The following MIPEP variants were observed in gnomAD, a reference collection of about 807,000 sequenced individuals.
MIPEP encodes mitochondrial intermediate peptidase.
MIPEP carries 79 observed loss-of-function variants against 90.3 expected under a neutral mutation model. The observed-to-expected ratio is 0.87, with a 90% CI of 0.73 to 1.05. The LOEUF (loss-of-function observed/expected upper bound fraction) is 1.05, where lower values mean the gene tolerates loss of function less well. Ranked by LOEUF, MIPEP falls within the 50% of genes least tolerant of loss-of-function variation. MIPEP has a pLI of 0.00. For missense variants in MIPEP, 940 were observed against 905.6 expected (o/e 1.04, Z -0.49); for synonymous variants, 334 against 315.8 (o/e 1.06, Z -0.61).
At chr13:23,734,779 TC>T (rs1952242587) in intron 18 of MIPEP, among the ~76,000 whole-genome samples, 1 of 151,848 alleles carries the variant, frequency 6.6e-6, no homozygotes, top group Non-Finnish European at 1.5e-5. Context: ...CGCCCAAACC[TC>T]TAACAGCAGT....
rs564435318 is a variant in MIPEP at position 23,772,714 on chromosome 13, C to T, written c.1849-12497G>A. On this transcript the variant is annotated intron_variant, in intron 16 of 18. Coordinates refer to ENST00000382172, the MANE Select transcript of MIPEP (RefSeq NM_005932.4). ...TTCCTTCTAGATCTATAGGTTACAACGTTAAACCTAATCCCTCAGAACACT... is the reference window on the plus strand; with the variant it reads ...TTCCTTCTAGATCTATAGGTTACAATGTTAAACCTAATCCCTCAGAACACT... Among the ~76,000 whole-genome samples the T allele has an allele frequency of 4.8e-4, 73 of 152,262 alleles. 1 individual carries two copies. The highest frequency in any genetic ancestry group is 2.1e-3 in the East Asian group (11 of 5,174).
intron 13 of MIPEP, 106 bp downstream of exon 13, chr13:23,837,446 A>T (rs1593182471): frequency 8.1e-6 from 7 of 862,258 alleles, no homozygotes; most frequent in Non-Finnish European, 1.3e-5. Flanking sequence ...ACCACAGGAC[A>T]CGGTAAAATG....
chr13:23,760,573 G>C (rs746234389), intron 16 of MIPEP: 36 of 542,006 alleles, frequency 6.6e-5, no homozygotes. Context: ...GCCAGGGTGT[G>C]GGCACAGAGG....
At chr13:23,789,390 T>G (rs1952878823) in intron 16 of MIPEP, among the ~76,000 whole-genome samples, 1 of 152,194 alleles carries the variant, frequency 6.6e-6, no homozygotes, top group Admixed American at 6.5e-5. Context: ...GTTTTTCCAT[T>G]TAAATGTTTA....
intron 18 of MIPEP, among the ~76,000 whole-genome samples, chr13:23,737,608 T>C (rs1952279953): frequency 6.6e-6 from 1 of 152,238 alleles, no homozygotes; most frequent in Non-Finnish European, 1.5e-5. Flanking sequence ...TTGTAATACA[T>C]AATGAACATA....
chr13:23,789,933 C>T (rs1952883399), intron 16 of MIPEP, among the ~76,000 whole-genome samples: 1 of 152,190 alleles, frequency 6.6e-6, no homozygotes, highest in Non-Finnish European at 1.5e-5. Flanking sequence ...TTTTTCCTCC[C>T]TTTTCTTCTG....
Position 23,862,365 on chromosome 13 carries a change from A to G in MIPEP, c.993-3T>C, listed in dbSNP as rs775915819. 81 of 1,561,820 alleles carry G rather than the reference A, an allele frequency of 5.2e-5. No homozygotes were observed. The highest frequency in any genetic ancestry group is 2.7e-4 in the South Asian group (23 of 85,996). ...TCATCTCAAAATCTTTCAGAGTTCT[A>G]TAAAACAGGTTTATCATTACTTGTT... On this transcript the variant is annotated splice_polypyrimidine_tract_variant and splice_region_variant and intron_variant, in intron 8 of 18. Transcript: ENST00000382172.
At chr13:23,805,552 A>G (rs975276645) in intron 16 of MIPEP, among the ~76,000 whole-genome samples, 2 of 152,200 alleles carry the variant, frequency 1.3e-5, no homozygotes, top group Non-Finnish European at 2.9e-5. Flanking sequence ...TAAAGCATCT[A>G]TTATAATTCC....
chr13:23,789,212 A>T (rs537133489), intron 16 of MIPEP, among the ~76,000 whole-genome samples: 10 of 152,298 alleles, frequency 6.6e-5, no homozygotes, highest in Non-Finnish European at 7.4e-5. Flanking sequence ...GTTATAATTT[A>T]AAAAAACCAG....
At chr13:23,745,204 A>G (rs910361943) in intron 18 of MIPEP, among the ~76,000 whole-genome samples, 13 of 152,166 alleles carry the variant, frequency 8.5e-5, no homozygotes, top group Admixed American at 8.5e-4. Flanking sequence ...TCAATAAGAG[A>G]AACTTTAATG....
At chr13:23,875,351 G>C (rs1367337581) in intron 4 of MIPEP, among the ~76,000 whole-genome samples, 2 of 151,814 alleles carry the variant, frequency 1.3e-5, no homozygotes, top group African/African-American at 4.8e-5. Flanking sequence ...TTTTATATTT[G>C]GACAATTTTT....
intron 16 of MIPEP, among the ~76,000 whole-genome samples, chr13:23,762,192 T>C (rs1181306254): frequency 2.0e-5 from 3 of 151,896 alleles, no homozygotes; most frequent in East Asian, 3.8e-4. Flanking sequence ...TTTTTAACCA[T>C]GATAACAACA....
At chr13:23,779,213 G>A (rs1424429724) in intron 16 of MIPEP, among the ~76,000 whole-genome samples, 1 of 152,138 alleles carries the variant, frequency 6.6e-6, no homozygotes, top group Non-Finnish European at 1.5e-5. Flanking sequence ...AAACAGAAAC[G>A]TACAGCTATT....
At chr13:23,771,568 C>CAT (rs1593144556) in intron 16 of MIPEP, among the ~76,000 whole-genome samples, 1 of 150,034 alleles carries the variant, frequency 6.7e-6, no homozygotes, top group Admixed American at 6.6e-5. Flanking sequence ...CACACACACA[C>CAT]ATCTGCATTT....
chr13:23,854,402 A>G (rs1176675926), intron 10 of MIPEP, among the ~76,000 whole-genome samples: 2 of 152,098 alleles, frequency 1.3e-5, no homozygotes, highest in African/African-American at 4.8e-5. Flanking sequence ...CAAGATCACT[A>G]ATCCTATACT....
chr13:23,737,344 T>G (rs1952277287), intron 18 of MIPEP, among the ~76,000 whole-genome samples: 1 of 152,118 alleles, frequency 6.6e-6, no homozygotes, highest in African/African-American at 2.4e-5. Context: ...GTGCTCACAA[T>G]GCTTGGTTGC....
chr13:23,837,894 T>G, intron 12 of MIPEP, 138 bp from the exon 13 acceptor site: 1 of 625,066 alleles, frequency 1.6e-6, no homozygotes, highest in East Asian at 2.8e-5. Flanking sequence ...TTCTATCTAT[T>G]TACATATATA....
At chr13:23,860,298 T>C (rs1759372926) in intron 9 of MIPEP, among the ~76,000 whole-genome samples, 1 of 152,244 alleles carries the variant, frequency 6.6e-6, no homozygotes, top group African/African-American at 2.4e-5. Context: ...AGAAAGGCAT[T>C]CCTGTAGGTG....
rs576737590 is a variant in MIPEP, at chr13:23,782,534, C to G, written c.1849-22317G>C. Among the ~76,000 whole-genome samples, 110 of 152,190 alleles carry G rather than the reference C, an allele frequency of 7.2e-4. 1 individual carries two copies. Among genetic ancestry groups the G allele is most frequent in the African/African-American group, 2.6e-3 (108 of 41,518 alleles). On this transcript the variant is annotated intron_variant, in intron 16 of 18. Coordinates refer to ENST00000382172, the MANE Select transcript of MIPEP (RefSeq NM_005932.4). ...ATCTAAAAATGACACCCTAACATCACAATTAAAAGAACTAGAGAAGCAAGA... is the reference window on the plus strand; with the variant it reads ...ATCTAAAAATGACACCCTAACATCAGAATTAAAAGAACTAGAGAAGCAAGA...
Sources: allele counts gnomAD v4.1 joint callset (sites outside exome capture counted in the v4.1 genomes callset), GRCh38; gene constraint gnomAD v4.1.1; transcripts MANE v1.5; gene names NCBI Gene and HGNC (gene_info 2026-07-23, HGNC 2026-07-21).